COX17: variants seen among roughly 807,000 people sequenced by gnomAD.
COX17 encodes the protein cytochrome c oxidase copper chaperone.
In COX17, 1 loss-of-function variant was observed where a neutral mutation model predicts 6.3. The observed-to-expected ratio is 0.16, with a 90% CI of 0.06 to 0.75. The LOEUF is 0.75. Ranked by LOEUF, COX17 falls within the 30% of genes least tolerant of loss-of-function variation. The pLI, the probability that COX17 is intolerant of heterozygous loss-of-function variation, is 0.77. For missense variants in COX17, 73 were observed against 81.2 expected (o/e 0.90, Z 0.39); for synonymous variants, 26 against 30.5 (o/e 0.85, Z 0.49).
Position 119,677,003 on chromosome 3 carries a change from T to TGGGGCGGGGC in COX17, c.107+191_107+200dup, listed in dbSNP as rs749505426. Reference sequence around the variant, plus strand: ...AATAATTATCTCCAGAGCGCCGCAATGGGGCGGGGCGGGGCGGGGCGGGGG... The same window carrying TGGGGCGGGGC: ...AATAATTATCTCCAGAGCGCCGCAATGGGGCGGGGCGGGGCGGGGCGGGGCGGGGCGGGGG... On this transcript the variant is annotated intron_variant, in intron 1 of 2. Transcript: ENST00000261070. 29 of 407,792 alleles carry TGGGGCGGGGC rather than the reference T, an allele frequency of 7.1e-5. No individual in the cohort carries two copies. In the African/African-American group the frequency reaches 7.5e-4, roughly 11 times the overall value. The allele number at this position is 407,792 out of a possible 1,614,324, so 25.3% of individuals were successfully genotyped here. A position where few individuals can be genotyped will look rare whatever the true frequency, so the allele number is the denominator to read the frequency against.
rs372415955 is a variant in COX17, at chr3:119,672,464, TA to T, written c.*4+2680del. On this transcript the variant is annotated intron_variant, in intron 2 of 2. Coordinates refer to ENST00000261070, the MANE Select transcript of COX17 (RefSeq NM_005694.2). ...TATTCCTAAAATTAGCATTTCTTTT[TA>T]TTTAATCACCCCTTTTTATCAAGGC... Among the ~76,000 whole-genome samples, 738 of 152,138 alleles carry T rather than the reference TA, an allele frequency of 4.9e-3. 9 individuals carry two copies. The highest frequency in any genetic ancestry group is 0.016 in the African/African-American group (674 of 41,494).
intron 2 of COX17, among the ~76,000 whole-genome samples, chr3:119,673,242 T>G (rs1340037749): frequency 6.6e-6 from 1 of 152,220 alleles, no homozygotes; most frequent in Non-Finnish European, 1.5e-5. Context: ...CCTTATTTAT[T>G]CATTCATTTA....
intron 2 of COX17, among the ~76,000 whole-genome samples, chr3:119,671,690 T>C (rs543796130): frequency 2.0e-5 from 3 of 152,352 alleles, no homozygotes; most frequent in Non-Finnish European, 4.4e-5. Flanking sequence ...ATCAAGATTA[T>C]GTGCAATCCT....
In COX17 at chr3:119,677,013, CGGGGCGGGGCGGGG is replaced by C. The variant is rs1444635311; in HGVS notation, c.107+177_107+190del. On this transcript the variant is annotated intron_variant, in intron 1 of 2. Transcript: ENST00000261070. ...TCCAGAGCGCCGCAATGGGGCGGGG[CGGGGCGGGGCGGGG>C]GGGGGGGGCAGACAGGGAGGAGGAG... 5 of 287,988 alleles carry C rather than the reference CGGGGCGGGGCGGGG, an allele frequency of 1.7e-5. No individual in the cohort carries two copies. The African/African-American group carries it at 4.7e-4, about 27-fold the overall frequency. 17.8% of individuals were successfully genotyped at this position (287,988 alleles called of 1,614,324 possible).
downstream of COX17, among the ~76,000 whole-genome samples, chr3:119,666,327 C>T (rs2052992245): frequency 6.6e-6 from 1 of 152,168 alleles, no homozygotes; most frequent in East Asian, 1.9e-4. Context: ...TGACGGGCTT[C>T]ATCAGTCCTG....
At position 119,676,944 on chromosome 3, in the gene COX17, C is replaced by T. The variant is rs1231422383; in HGVS notation, c.107+260G>A. ...CCCGGTACTAAGCTACGGGATAAGT[C>T]AACAGAGACCCGACCACGAAACCTA... On this transcript the variant is annotated intron_variant, in intron 1 of 2. Transcript: ENST00000261070. 1.7e-5 allele frequency: 12 copies of T among 689,038 alleles called. No homozygotes were observed. In the African/African-American group the frequency reaches 1.8e-4, roughly 10 times the overall value. 42.7% of individuals were successfully genotyped at this position (689,038 alleles called of 1,614,324 possible). A position where few individuals can be genotyped will look rare whatever the true frequency, so the allele number is the denominator to read the frequency against.
At chr3:119,666,322 G>C (rs772614218), downstream of COX17, among the ~76,000 whole-genome samples, 3 of 152,114 alleles carry the variant, frequency 2.0e-5, no homozygotes, top group Non-Finnish European at 4.4e-5. Flanking sequence ...GCACATGACG[G>C]GCTTCATCAG....
chr3:119,674,857 G>T, intron 2 of COX17: 1 of 291,230 alleles, frequency 3.4e-6, no homozygotes, highest in East Asian at 6.5e-5. Context: ...ACAAGAAAGA[G>T]AATATGTTTC....
chr3:119,670,156 A>C (rs1489912217), intron 2 of COX17, among the ~76,000 whole-genome samples: 1 of 152,184 alleles, frequency 6.6e-6, no homozygotes, highest in Admixed American at 6.5e-5. Flanking sequence ...AAGGCAAGAC[A>C]AGGGCAACCC....
chr3:119,675,864 G>T (rs2053094157), intron 1 of COX17, among the ~76,000 whole-genome samples: 1 of 152,158 alleles, frequency 6.6e-6, no homozygotes, highest in South Asian at 2.1e-4. Context: ...GGATATTTGG[G>T]GAGAACCCAC....
downstream of COX17, among the ~76,000 whole-genome samples, chr3:119,666,171 T>G (rs542787878): frequency 6.6e-6 from 1 of 152,318 alleles, no homozygotes; most frequent in African/African-American, 2.4e-5. Flanking sequence ...CCAATCAGCA[T>G]AAGGTATTCT....
In COX17 at chr3:119,677,018, CGGGGCGGG is replaced by C. The variant is rs1448492353; in HGVS notation, c.107+178_107+185del. 2,390 of 465,432 alleles carry C rather than the reference CGGGGCGGG, an allele frequency of 5.1e-3. 33 individuals carry two copies. The highest frequency in any genetic ancestry group is 0.016 in the East Asian group (468 of 29,672). The allele number at this position is 465,432 out of a possible 1,614,324, so 28.8% of individuals were successfully genotyped here. On this transcript the variant is annotated intron_variant, in intron 1 of 2. Coordinates refer to ENST00000261070, the MANE Select transcript of COX17 (RefSeq NM_005694.2). ...AGCGCCGCAATGGGGCGGGGCGGGG[CGGGGCGGG>C]GGGGGGGGGCAGACAGGGAGGAGGA...
At chr3:119,669,696 G>A (rs1480515905) in intron 2 of COX17, 31 bp from the exon 3 acceptor site, 1 of 152,168 alleles carries the variant, frequency 6.6e-6, no homozygotes, top group Non-Finnish European at 1.5e-5. Context: ...TAGAAAGTCA[G>A]ATTTCAAACA....
At chr3:119,671,775 A>G (rs1338702215) in intron 2 of COX17, among the ~76,000 whole-genome samples, 3 of 152,206 alleles carry the variant, frequency 2.0e-5, no homozygotes, top group Non-Finnish European at 4.4e-5. Flanking sequence ...TTTAGAGAAT[A>G]TAAAAATCTT....
chr3:119,671,774 T>C lies in COX17; in HGVS notation c.*5-2109A>G, dbSNP rs1232739574. ...TGTAAAGTGCCTGTGATTTAGAGAA[T>C]ATAAAAATCTTAACTCTAATCTAAT... On this transcript the variant is annotated intron_variant, in intron 2 of 2. Transcript: ENST00000261070. 5.9e-5 allele frequency among the ~76,000 whole-genome samples: 9 copies of C among 152,334 alleles called. No individual in the cohort carries two copies. In the South Asian group the frequency reaches 1.7e-3, roughly 28 times the overall value.
intron 1 of COX17, chr3:119,676,863 T>C: frequency 2.8e-6 from 2 of 702,128 alleles, no homozygotes; most frequent in Non-Finnish European, 5.2e-6. Flanking sequence ...TCAACACACA[T>C]TTGTAGGAAG....
At chr3:119,676,555 G>A (rs989701362) in intron 1 of COX17, among the ~76,000 whole-genome samples, 2 of 152,134 alleles carry the variant, frequency 1.3e-5, no homozygotes, top group Non-Finnish European at 2.9e-5. Flanking sequence ...TGTCCCCTGC[G>A]TCGTAGACTG....
intron 1 of COX17, 158 bp from the exon 2 acceptor site, chr3:119,675,391 C>T (rs928661271): frequency 1.2e-5 from 7 of 597,972 alleles, no homozygotes; most frequent in African/African-American, 5.6e-5. Flanking sequence ...TTTATTTGAT[C>T]TTATGATATG....
At chr3:119,669,159 T>G (rs957663764), downstream of COX17, 15 of 151,218 alleles carry the variant, frequency 9.9e-5, no homozygotes, top group African/African-American at 3.7e-4. Context: ...GTCCAAAATC[T>G]AAACTAACTT....
Sources: allele counts gnomAD v4.1 joint callset (sites outside exome capture counted in the v4.1 genomes callset), GRCh38; gene constraint gnomAD v4.1.1; transcripts MANE v1.5; gene names NCBI Gene and HGNC (gene_info 2026-07-23, HGNC 2026-07-21).